MLLT3: variants seen among roughly 807,000 people sequenced by gnomAD.
MLLT3 encodes MLLT3 super elongation complex subunit, also known as protein AF-9.
Under a neutral mutation model 53.2 loss-of-function variants are expected in MLLT3, and 4 were observed. The observed-to-expected ratio is 0.08, with a 90% CI of 0.04 to 0.17. The LOEUF (loss-of-function observed/expected upper bound fraction) is 0.17, where lower values mean the gene tolerates loss of function less well. MLLT3 is among the 10% of genes least tolerant of loss of function. The pLI, the probability that MLLT3 is intolerant of heterozygous loss-of-function variation, is 1.00. For synonymous variants in MLLT3, 283 were observed against 230.6 expected, an observed-to-expected ratio of 1.23 and a Z score of -2.06; for missense variants, 569 against 684.0, an observed-to-expected ratio of 0.83 and a Z score of 1.87.
At chr9:20,529,992 C>A (rs552286790) in intron 2 of MLLT3, among the ~76,000 whole-genome samples, 3 of 152,136 alleles carry the variant, frequency 2.0e-5, no homozygotes, top group Admixed American at 6.5e-5. Context: ...ACCACCTCCA[C>A]TACTGAGAAA....
intron 2 of MLLT3, among the ~76,000 whole-genome samples, chr9:20,541,242 C>T (rs1023392263): frequency 4.6e-5 from 7 of 152,190 alleles, no homozygotes; most frequent in South Asian, 2.1e-4. Flanking sequence ...TCAACATCTT[C>T]CTGTATTCTT....
At chr9:20,565,361 T>G (rs977795594) in intron 2 of MLLT3, among the ~76,000 whole-genome samples, 4 of 152,134 alleles carry the variant, frequency 2.6e-5, no homozygotes, top group Non-Finnish European at 4.4e-5. Context: ...GTAATGCAAC[T>G]GTGCTCTTGG....
chr9:20,546,723 A>C (rs1818798093), intron 2 of MLLT3, among the ~76,000 whole-genome samples: 1 of 152,204 alleles, frequency 6.6e-6, no homozygotes, highest in African/African-American at 2.4e-5. Flanking sequence ...CCATTCCTTA[A>C]CTATGAGGAA....
At chr9:20,521,883 A>G (rs1818071170) in intron 2 of MLLT3, among the ~76,000 whole-genome samples, 1 of 152,198 alleles carries the variant, frequency 6.6e-6, no homozygotes, top group African/African-American at 2.4e-5. Flanking sequence ...TTAGTATTCA[A>G]GGTTAACAGC....
chr9:20,530,289 G>C (rs1025020517), intron 2 of MLLT3, among the ~76,000 whole-genome samples: 1 of 152,050 alleles, frequency 6.6e-6, no homozygotes, highest in African/African-American at 2.4e-5. Context: ...TCACTACATG[G>C]ATAAAAAATT....
chr9:20,434,635 A>C (rs1823358135), intron 4 of MLLT3, among the ~76,000 whole-genome samples: 1 of 152,236 alleles, frequency 6.6e-6, no homozygotes, highest in African/African-American at 2.4e-5. Context: ...TCCTGAAAGG[A>C]ACAAAGGCTT....
chr9:20,557,758 T>A lies in MLLT3; in HGVS notation c.193+62896A>T, dbSNP rs141549436. 4.0e-3 allele frequency among the ~76,000 whole-genome samples: 602 copies of A among 152,340 alleles called. 3 individuals are homozygous for A. The highest frequency in any genetic ancestry group is 0.014 in the African/African-American group (567 of 41,578). ...AAGAGAAACACTAGCAAAGGTATTT[T>A]AATTAGCGAGTAATTCTACCCTGTT... On this transcript the variant is annotated intron_variant, in intron 2 of 10. Coordinates refer to ENST00000380338, the MANE Select transcript of MLLT3 (RefSeq NM_004529.4).
intron 2 of MLLT3, among the ~76,000 whole-genome samples, chr9:20,549,044 G>A (rs907508581): frequency 2.0e-5 from 3 of 151,978 alleles, no homozygotes; most frequent in African/African-American, 7.3e-5. Context: ...CGAACTCCTG[G>A]GCTCAAGCAA....
intron 2 of MLLT3, among the ~76,000 whole-genome samples, chr9:20,532,030 A>C (rs1428603660): frequency 6.6e-6 from 1 of 152,136 alleles, no homozygotes; most frequent in Non-Finnish European, 1.5e-5. Flanking sequence ...AAGCCCACAA[A>C]AATGACCAAA....
chr9:20,517,306 C>A (rs1817939510), intron 2 of MLLT3, among the ~76,000 whole-genome samples: 1 of 152,100 alleles, frequency 6.6e-6, no homozygotes, highest in African/African-American at 2.4e-5. Context: ...AATCTCATAG[C>A]TCTATCCACT....
chr9:20,512,800 T>G (rs1368974871), intron 2 of MLLT3, among the ~76,000 whole-genome samples: 1 of 152,236 alleles, frequency 6.6e-6, no homozygotes, highest in Non-Finnish European at 1.5e-5. Context: ...CAAAGCACAG[T>G]ACATGACTAA....
intron 4 of MLLT3, among the ~76,000 whole-genome samples, chr9:20,446,474 C>T (rs547934866): frequency 2.0e-5 from 3 of 152,274 alleles, no homozygotes; most frequent in South Asian, 2.1e-4. Context: ...AGGCAACCCT[C>T]GACTTCTCTG....
chr9:20,360,880 C>G, intron 7 of MLLT3, 39 bp from the exon 8 acceptor site: 1 of 1,534,230 alleles, frequency 6.5e-7, no homozygotes, highest in Non-Finnish European at 9.0e-7. Flanking sequence ...TCATTACAAA[C>G]AGATGATTCT....
intron 2 of MLLT3, among the ~76,000 whole-genome samples, chr9:20,615,871 T>C (rs1820820055): frequency 1.2e-5 from 1 of 86,048 alleles, no homozygotes; most frequent in Admixed American, 1.2e-4. Context: ...AACAAAGAGA[T>C]TTGAAAAAAA....
At chr9:20,405,906 G>A (rs1822565516) in intron 5 of MLLT3, among the ~76,000 whole-genome samples, 1 of 152,136 alleles carries the variant, frequency 6.6e-6, no homozygotes, top group Non-Finnish European at 1.5e-5. Flanking sequence ...GATGTCAGGA[G>A]TTTGAGACCA....
rs766038380 is a variant in MLLT3, at chr9:20,584,497, G to A, written c.193+36157C>T. 1.1e-4 allele frequency among the ~76,000 whole-genome samples: 17 copies of A among 152,228 alleles called. 1 individual carries two copies. Among genetic ancestry groups the A allele is most frequent in the Non-Finnish European group, 1.9e-4 (13 of 68,006 alleles). ...AAAGACATACCCATTTCACGCTGCTGGGAAGAAAAAAGAGGTTTAATTGGA... is the reference window on the plus strand; with the variant it reads ...AAAGACATACCCATTTCACGCTGCTAGGAAGAAAAAAGAGGTTTAATTGGA... On this transcript the variant is annotated intron_variant, in intron 2 of 10. Coordinates refer to ENST00000380338, the MANE Select transcript of MLLT3 (RefSeq NM_004529.4).
chr9:20,386,370 C>T (rs1405647890), intron 5 of MLLT3, among the ~76,000 whole-genome samples: 1 of 152,056 alleles, frequency 6.6e-6, no homozygotes, highest in Non-Finnish European at 1.5e-5. Flanking sequence ...GTCAGCAGTC[C>T]CAAGCCTACT....
intron 2 of MLLT3, among the ~76,000 whole-genome samples, chr9:20,503,992 C>A (rs994555036): frequency 6.6e-6 from 1 of 151,976 alleles, no homozygotes; most frequent in Non-Finnish European, 1.5e-5. Flanking sequence ...CAAATTAATA[C>A]CACAATGAGA....
chr9:20,353,262 A>G (rs990569619), intron 10 of MLLT3, among the ~76,000 whole-genome samples: 1 of 152,178 alleles, frequency 6.6e-6, no homozygotes, highest in African/African-American at 2.4e-5. Context: ...CTGAGGGATC[A>G]CTACAATCCA....
Sources: allele counts gnomAD v4.1 joint callset (sites outside exome capture counted in the v4.1 genomes callset), GRCh38; gene constraint gnomAD v4.1.1; transcripts MANE v1.5; gene names NCBI Gene and HGNC (gene_info 2026-07-23, HGNC 2026-07-21).